The following KIF6 variants were observed in gnomAD, a reference collection of about 807,000 sequenced individuals.
The protein encoded by KIF6 is kinesin-like protein KIF6.
A neutral mutation model predicts 112.7 loss-of-function variants in KIF6; 106 were observed. The observed-to-expected ratio is 0.94, with a 90% CI of 0.80 to 1.11. The LOEUF is 1.11. Ranked by LOEUF, KIF6 falls within the 50% of genes least tolerant of loss-of-function variation. KIF6 has a pLI of 0.00. For synonymous variants in KIF6, 339 were observed against 339.9 expected (o/e 1.00, Z 0.03); for missense variants, 929 against 964.0 (o/e 0.96, Z 0.48).
At chr6:39,563,170 A>C (rs1334320534) in intron 10 of KIF6, among the ~76,000 whole-genome samples, 1 of 152,056 alleles carries the variant, frequency 6.6e-6, no homozygotes, top group Non-Finnish European at 1.5e-5. Flanking sequence ...GAACCCAGGA[A>C]GTGGTGGTTT....
chr6:39,544,559 T>A lies in KIF6; in HGVS notation c.1422A>T (p.Glu474Asp). 6.2e-7 allele frequency: 1 copy of A among 1,611,608 alleles called. No individual in the cohort carries two copies. The highest frequency in any genetic ancestry group is 8.5e-7 in the Non-Finnish European group (1 of 1,179,194). Reference sequence around the variant, plus strand: ...TCATCACTTCAGAAAGGATACTGATTTCGTTATCTCTCTGTTTCAGAATAT... The same window carrying A: ...TCATCACTTCAGAAAGGATACTGATATCGTTATCTCTCTGTTTCAGAATAT... ...LRDILKQRDN[E>D]INILVNMLKK... Residue 474 changes from glutamate (E) to aspartate (D), a missense_variant, in exon 12 of 23, where the codon GAA becomes GAT. Transcript: ENST00000287152.
At chr6:39,440,643 C>A (rs1771860452) in intron 13 of KIF6, among the ~76,000 whole-genome samples, 1 of 152,060 alleles carries the variant, frequency 6.6e-6, no homozygotes, top group African/African-American at 2.4e-5. Context: ...TTGGAGAGAA[C>A]TGAGGTCCCT....
intron 3 of KIF6, among the ~76,000 whole-genome samples, chr6:39,659,135 A>G (rs1582387818): frequency 6.6e-6 from 1 of 152,322 alleles, no homozygotes; most frequent in Non-Finnish European, 1.5e-5. Flanking sequence ...ACTGGCCCCA[A>G]TGTGACTTGA....
chr6:39,462,233 TAA>T (rs1162317579), intron 13 of KIF6, among the ~76,000 whole-genome samples: 2 of 152,192 alleles, frequency 1.3e-5, no homozygotes, highest in Non-Finnish European at 2.9e-5. Context: ...GCTTTCCTGA[TAA>T]AGAGACAAAC....
chr6:39,672,022 C>T (rs1297754689), intron 3 of KIF6, among the ~76,000 whole-genome samples: 1 of 152,224 alleles, frequency 6.6e-6, no homozygotes, highest in Non-Finnish European at 1.5e-5. Flanking sequence ...GTACCCTAAG[C>T]TGTTGCCAAC....
intron 16 of KIF6, among the ~76,000 whole-genome samples, chr6:39,375,129 C>T (rs991687992): frequency 6.6e-6 from 1 of 152,142 alleles, no homozygotes; most frequent in African/African-American, 2.4e-5. Context: ...ACAAATAGTG[C>T]ATGATCTCAC....
At chr6:39,629,472 C>T (rs1008484936) in intron 5 of KIF6, among the ~76,000 whole-genome samples, 5 of 152,016 alleles carry the variant, frequency 3.3e-5, no homozygotes, top group East Asian at 1.9e-4. Context: ...TCTTCTTCAG[C>T]GAAGTGGCTA....
At chr6:39,586,677 T>C (rs1781656632) in intron 7 of KIF6, among the ~76,000 whole-genome samples, 1 of 152,202 alleles carries the variant, frequency 6.6e-6, no homozygotes, top group Admixed American at 6.5e-5. Context: ...GATACACTAT[T>C]ATTCTGTTTT....
intron 10 of KIF6, among the ~76,000 whole-genome samples, chr6:39,563,728 T>A (rs1185921899): frequency 6.6e-6 from 1 of 152,118 alleles, no homozygotes; most frequent in East Asian, 1.9e-4. Flanking sequence ...CAGCAAGTGG[T>A]AACATGAAAA....
intron 13 of KIF6, among the ~76,000 whole-genome samples, chr6:39,464,855 T>C (rs1021607129): frequency 6.6e-6 from 1 of 152,204 alleles, no homozygotes; most frequent in Non-Finnish European, 1.5e-5. Flanking sequence ...AAATTGATCA[T>C]TTGACTCTTA....
At chr6:39,571,748 T>C (rs1246934322) in intron 10 of KIF6, among the ~76,000 whole-genome samples, 1 of 152,198 alleles carries the variant, frequency 6.6e-6, no homozygotes, top group Non-Finnish European at 1.5e-5. Flanking sequence ...CTAGTCCTAT[T>C]CTTCAATTCC....
intron 15 of KIF6, among the ~76,000 whole-genome samples, chr6:39,417,000 C>T (rs936697994): frequency 3.9e-5 from 6 of 152,018 alleles, no homozygotes; most frequent in Admixed American, 2.0e-4. Context: ...TCATGTCATG[C>T]TCCTGCCTCC....
chr6:39,337,168 C>CTTCCTTCTTTCTTTCT (rs1477906353), intron 22 of KIF6, among the ~76,000 whole-genome samples: 28 of 48,532 alleles, frequency 5.8e-4, no homozygotes, highest in African/African-American at 2.3e-3. Flanking sequence ...TCTTTCTTTC[C>CTTCCTTCTTTCTTTCT]TTCCTTCTTT....
intron 14 of KIF6, among the ~76,000 whole-genome samples, chr6:39,428,557 T>A (rs939259790): frequency 6.6e-6 from 1 of 152,184 alleles, no homozygotes; most frequent in Non-Finnish European, 1.5e-5. Flanking sequence ...CCCTATCCCC[T>A]TGTTTTATTC....
rs561551467 is a variant in KIF6, at chr6:39,652,092, A to G, written c.252-12335T>C. Among the ~76,000 whole-genome samples the G allele has an allele frequency of 6.7e-4, 102 of 152,298 alleles. 1 individual carries two copies. Among genetic ancestry groups the G allele is most frequent in the African/African-American group, 2.4e-3 (98 of 41,566 alleles). ...ACGAGGAGTCTTCTAGGGGCACACT[A>G]TGAGAAGAGATATAGGGAAAATAGA... On this transcript the variant is annotated intron_variant, in intron 3 of 22. Coordinates refer to ENST00000287152, the MANE Select transcript of KIF6 (RefSeq NM_145027.6).
intron 13 of KIF6, among the ~76,000 whole-genome samples, chr6:39,520,580 G>A (rs558858605): frequency 6.6e-6 from 1 of 152,348 alleles, no homozygotes; most frequent in South Asian, 2.1e-4. Flanking sequence ...TGCATAACTA[G>A]AAATTAGGGA....
rs562345322 is a variant in KIF6 at position 39,332,975 on chromosome 6, C to T, written c.*3557G>A. On this transcript the variant is annotated 3_prime_UTR_variant, in exon 23 of 23. Transcript: ENST00000287152. ...ACTCACTGCAGGCAGTAAGTTGGAG[C>T]AATCATAGGGCTCCCCTCACTTGTT... The T allele has an allele frequency of 6.6e-6, 1 of 151,490 alleles. No individual in the cohort carries two copies. Among genetic ancestry groups the T allele is most frequent in the East Asian group, 2.0e-4 (1 of 5,112 alleles). 9.4% of individuals were successfully genotyped at this position (151,490 alleles called of 1,614,324 possible). A position where few individuals can be genotyped will look rare whatever the true frequency, so the allele number is the denominator to read the frequency against.
At chr6:39,504,826 A>G (rs1776342860) in intron 13 of KIF6, among the ~76,000 whole-genome samples, 1 of 152,206 alleles carries the variant, frequency 6.6e-6, no homozygotes, top group Non-Finnish European at 1.5e-5. Flanking sequence ...AGAACTACAA[A>G]CCACTGATCA....
At chr6:39,382,325 A>G (rs1767018614) in intron 16 of KIF6, among the ~76,000 whole-genome samples, 1 of 151,808 alleles carries the variant, frequency 6.6e-6, no homozygotes, top group African/African-American at 2.4e-5. Context: ...TTCCCTTCCT[A>G]CCTCCTTTTG....
Sources: gnomAD v4.1 joint callset for allele counts (sites outside exome capture counted in the v4.1 genomes callset) on GRCh38, gnomAD v4.1.1 for gene constraint, MANE v1.5 for transcripts, NCBI Gene and HGNC (gene_info 2026-07-23, HGNC 2026-07-21) for gene names.